Variants in PLXNA4 observed in about 807,000 individuals in gnomAD.
PLXNA4 encodes plexin A4, also known as plexin-A4.
In PLXNA4, 44 loss-of-function variants were observed where a neutral mutation model predicts 191.8. The observed-to-expected ratio is 0.23, with a 90% CI of 0.18 to 0.29. The LOEUF is 0.29. Ranked by LOEUF, PLXNA4 falls within the 10% of genes least tolerant of loss-of-function variation. The pLI, the probability that PLXNA4 is intolerant of heterozygous loss-of-function variation, is 1.00. For synonymous variants in PLXNA4, 1,082 were observed against 1,009.5 expected (o/e 1.07, Z -1.36); for missense variants, 1,800 against 2,488.8 (o/e 0.72, Z 5.89).
At chr7:132,551,134 C>G (rs1563166348) in intron 1 of PLXNA4, among the ~76,000 whole-genome samples, 1 of 152,210 alleles carries the variant, frequency 6.6e-6, no homozygotes, top group South Asian at 2.1e-4. Flanking sequence ...TTCCCCAACA[C>G]TCAAAGTGCA....
At position 132,132,488 on chromosome 7, in the gene PLXNA4, C is replaced by CTTTCTAT. The variant is rs1563048489; in HGVS notation, c.5589+560_5589+561insATAGAAA. Among the ~76,000 whole-genome samples the CTTTCTAT allele has an allele frequency of 5.7e-3, 479 of 84,366 alleles. 28 individuals are homozygous for CTTTCTAT. The highest frequency in any genetic ancestry group is 0.019 in the Middle Eastern group (3 of 162). The allele number at this position is 84,366 out of a possible 152,430, so 55.3% of individuals were successfully genotyped here. On this transcript the variant is annotated intron_variant, in intron 31 of 31. Coordinates refer to ENST00000321063, the MANE Select transcript of PLXNA4 (RefSeq NM_020911.2). ...TTCTGCTCTGCTCTGCTCTGCTCTG[C>CTTTCTAT]TCTATTCTTTTCTATTCTATTCTAT...
chr7:132,254,291 A>C (rs1799356742), intron 4 of PLXNA4, among the ~76,000 whole-genome samples: 3 of 152,204 alleles, frequency 2.0e-5, no homozygotes, highest in Admixed American at 2.0e-4. Flanking sequence ...AATTCTAAGA[A>C]AGGAAATTGT....
intron 2 of PLXNA4, among the ~76,000 whole-genome samples, chr7:132,634,823 T>C (rs1585419610): frequency 6.6e-6 from 1 of 152,144 alleles, no homozygotes; most frequent in Non-Finnish European, 1.5e-5. Context: ...CTTTGAAGGA[T>C]GCAAAATATT....
At chr7:132,222,570 G>A (rs1317266174) in intron 9 of PLXNA4, among the ~76,000 whole-genome samples, 4 of 152,128 alleles carry the variant, frequency 2.6e-5, no homozygotes, top group Admixed American at 2.0e-4. Flanking sequence ...CCTGTGTGGT[G>A]TGTTAAAGGG....
At chr7:132,575,160 T>C (rs1335415912) in intron 1 of PLXNA4, among the ~76,000 whole-genome samples, 21 of 152,196 alleles carry the variant, frequency 1.4e-4, no homozygotes, top group Admixed American at 1.3e-3. Flanking sequence ...GACCCTAAAT[T>C]AGTTGCTCTT....
intron 3 of PLXNA4, among the ~76,000 whole-genome samples, chr7:132,380,696 T>C (rs1390332953): frequency 6.6e-6 from 1 of 152,182 alleles, no homozygotes; most frequent in Non-Finnish European, 1.5e-5. Context: ...AGATTGTGCA[T>C]GGCAAAGTCA....
At chr7:132,156,917 A>G (rs1562887975) in intron 25 of PLXNA4, among the ~76,000 whole-genome samples, 1 of 152,192 alleles carries the variant, frequency 6.6e-6, no homozygotes, top group Non-Finnish European at 1.5e-5. Context: ...TCTAGATTTA[A>G]AAGGAAAAAA....
chr7:132,604,634 A>G (rs1169912041), intron 2 of PLXNA4, among the ~76,000 whole-genome samples: 4 of 139,248 alleles, frequency 2.9e-5, no homozygotes, highest in Non-Finnish European at 6.2e-5. Context: ...GCCCCACCCC[A>G]CCCCTGCCCA....
At chr7:132,223,791 C>A in intron 8 of PLXNA4, 150 bp from the exon 9 acceptor site, 1 of 622,126 alleles carries the variant, frequency 1.6e-6, no homozygotes, top group South Asian at 1.9e-5. Context: ...GCACATCTAT[C>A]CCTTTACTCC....
chr7:132,222,684 C>T (rs897721952), intron 9 of PLXNA4, among the ~76,000 whole-genome samples: 10 of 152,210 alleles, frequency 6.6e-5, no homozygotes, highest in African/African-American at 2.2e-4. Context: ...CATGTTTGAA[C>T]AACAGAATTT....
intron 1 of PLXNA4, among the ~76,000 whole-genome samples, chr7:132,565,309 C>T (rs1196085428): frequency 6.6e-6 from 1 of 152,168 alleles, no homozygotes; most frequent in East Asian, 1.9e-4. Context: ...GGATTAGAAG[C>T]TCGGTCTCTG....
At position 132,180,730 on chromosome 7, in the gene PLXNA4, G is replaced by GAT; in HGVS notation, c.3494_3495insAT (p.Lys1166SerfsTer4). On this transcript the variant is annotated frameshift_variant and splice_region_variant, in exon 19 of 32. Coordinates refer to ENST00000321063, the MANE Select transcript of PLXNA4 (RefSeq NM_020911.2). LOFTEE classifies it high-confidence loss of function. ...CAGCCACAGGCGGGATCAGGTTCTT[G>GAT]CCCTGTACAAATGGGAAAGCACCAG... The GAT allele has an allele frequency of 6.2e-7, 1 of 1,613,524 alleles. No individual in the cohort carries two copies. The highest frequency in any genetic ancestry group is 8.5e-7 in the Non-Finnish European group (1 of 1,179,508).
At chr7:132,574,764 C>CA (rs1188973407) in intron 1 of PLXNA4, among the ~76,000 whole-genome samples, 1 of 152,178 alleles carries the variant, frequency 6.6e-6, no homozygotes, top group East Asian at 1.9e-4. Flanking sequence ...GAGACCTTTG[C>CA]AGGAGCTGAA....
At chr7:132,379,461 C>T (rs768422472) in intron 3 of PLXNA4, among the ~76,000 whole-genome samples, 13 of 152,176 alleles carry the variant, frequency 8.5e-5, no homozygotes, top group Non-Finnish European at 1.6e-4. Flanking sequence ...AGAAGCATTC[C>T]TTTCTCCAAA....
At chr7:132,184,251 G>A (rs1796804276) in intron 16 of PLXNA4, among the ~76,000 whole-genome samples, 1 of 152,318 alleles carries the variant, frequency 6.6e-6, no homozygotes, top group Middle Eastern at 3.4e-3. Flanking sequence ...GCAGGGCCCT[G>A]TGCATGTGCA....
At chr7:132,201,676 C>T (rs985191668) in intron 12 of PLXNA4, among the ~76,000 whole-genome samples, 11 of 152,130 alleles carry the variant, frequency 7.2e-5, no homozygotes, top group African/African-American at 2.4e-4. Context: ...TGACATGGTG[C>T]CATGGGGGAG....
At chr7:132,605,885 A>G (rs1802915446) in intron 2 of PLXNA4, among the ~76,000 whole-genome samples, 1 of 152,168 alleles carries the variant, frequency 6.6e-6, no homozygotes, top group Non-Finnish European at 1.5e-5. Flanking sequence ...GATGCAGGTC[A>G]AGAAACACCA....
intron 5 of PLXNA4, among the ~76,000 whole-genome samples, chr7:132,228,702 C>A (rs1798419607): frequency 6.6e-6 from 1 of 152,214 alleles, no homozygotes; most frequent in African/African-American, 2.4e-5. Flanking sequence ...GAGAGTCATC[C>A]TAACTCCCCT....
rs1800959786 is a variant in PLXNA4 at position 132,293,319 on chromosome 7, T to C, written c.1503+4772A>G. On this transcript the variant is annotated intron_variant, in intron 4 of 31. Coordinates refer to ENST00000321063, the MANE Select transcript of PLXNA4 (RefSeq NM_020911.2). ...AAAAGAGGTTTAATGGACTCAGAGT[T>C]TCATGTGGCTGGGGAGGCCTCACAA... Among the ~76,000 whole-genome samples the C allele has an allele frequency of 1.3e-5, 2 of 152,150 alleles. 1 individual carries two copies. Among genetic ancestry groups the C allele is most frequent in the South Asian group, 4.1e-4 (2 of 4,822 alleles).
Sources: gnomAD v4.1 joint callset for allele counts (sites outside exome capture counted in the v4.1 genomes callset) on GRCh38, gnomAD v4.1.1 for gene constraint, MANE v1.5 for transcripts, NCBI Gene and HGNC (gene_info 2026-07-23, HGNC 2026-07-21) for gene names.